ALMS1: variants seen among roughly 807,000 people sequenced by gnomAD.
ALMS1 encodes the protein centrosome-associated protein ALMS1.
A neutral mutation model predicts 352.2 loss-of-function variants in ALMS1; 271 were observed. That is an observed-to-expected ratio of 0.77 (90% CI 0.70 to 0.85). The LOEUF (loss-of-function observed/expected upper bound fraction) is 0.85, where lower values mean the gene tolerates loss of function less well. ALMS1 is among the 40% of genes least tolerant of loss of function. ALMS1 has a pLI of 0.00. For missense variants in ALMS1, 5,445 were observed against 4,870.7 expected, an observed-to-expected ratio of 1.12 and a Z score of -3.51; for synonymous variants, 1,865 against 1,761.2, an observed-to-expected ratio of 1.06 and a Z score of -1.48.
intron 2 of ALMS1, among the ~76,000 whole-genome samples, chr2:73,413,582 G>A (rs755938570): frequency 8.5e-5 from 13 of 152,148 alleles, no homozygotes; most frequent in Non-Finnish European, 1.6e-4. Context: ...CATCCGGAAT[G>A]CTTTCTGACA....
intron 11 of ALMS1, among the ~76,000 whole-genome samples, chr2:73,525,241 G>A (rs10469966): frequency 0.27 from 41,522 of 152,074 alleles, 6,111 homozygotes; most frequent in African/African-American, 0.38. Flanking sequence ...AACATGGGGT[G>A]CAGATTTATC....
intron 16 of ALMS1, among the ~76,000 whole-genome samples, chr2:73,584,861 T>C (rs544695082): frequency 3.3e-5 from 5 of 152,144 alleles, no homozygotes; most frequent in Non-Finnish European, 7.3e-5. Flanking sequence ...AGCTCCCCGT[T>C]ATAAATGAGA....
In ALMS1 at chr2:73,572,383, A is replaced by G. The variant is rs1305325242; in HGVS notation, c.10506A>G (p.Gly3502=). Residue 3502 remains glycine (G), a synonymous_variant, in exon 16 of 23, where the codon GGA becomes GGG. Coordinates refer to ENST00000613296, the MANE Select transcript of ALMS1 (RefSeq NM_001378454.1). Reference sequence around the variant, plus strand: ...AAGATATTTGCCATGAATCTTTGGGAAAGAGTGTTTTCATGAGACATTCTT... The same window carrying G: ...AAGATATTTGCCATGAATCTTTGGGGAAGAGTGTTTTCATGAGACATTCTT... The part of the protein sequence containing the change: ...SDQDICHESL[G]KSVFMRHSWK... The G allele has an allele frequency of 1.4e-5, 22 of 1,609,762 alleles. No homozygotes were observed. Among genetic ancestry groups the G allele is most frequent in the Non-Finnish European group, 1.9e-5 (22 of 1,178,516 alleles).
chr2:73,527,862 TG>T (rs1319324728), intron 11 of ALMS1, among the ~76,000 whole-genome samples: 1 of 152,228 alleles, frequency 6.6e-6, no homozygotes, highest in African/African-American at 2.4e-5. Flanking sequence ...AGTTTTTCTA[TG>T]TTTTTTTAAT....
chr2:73,484,044 C>G (rs1247971261), intron 9 of ALMS1, among the ~76,000 whole-genome samples: 1 of 151,758 alleles, frequency 6.6e-6, no homozygotes, highest in Non-Finnish European at 1.5e-5. Flanking sequence ...CAGTCTTTGC[C>G]TTTTAATTGG....
At chr2:73,504,598 G>A (rs530435117) in intron 10 of ALMS1, among the ~76,000 whole-genome samples, 5 of 152,302 alleles carry the variant, frequency 3.3e-5, no homozygotes, top group African/African-American at 1.2e-4. Context: ...TTCAACTTGT[G>A]TGTATCAGTA....
At chr2:73,511,613 G>A (rs1279019987) in intron 10 of ALMS1, among the ~76,000 whole-genome samples, 1 of 152,092 alleles carries the variant, frequency 6.6e-6, no homozygotes, top group East Asian at 1.9e-4. Context: ...GTTCTATTTG[G>A]CCATCTTGCC....
At chr2:73,486,039 G>T (rs907134370) in intron 9 of ALMS1, among the ~76,000 whole-genome samples, 3 of 151,928 alleles carry the variant, frequency 2.0e-5, no homozygotes, top group Non-Finnish European at 2.9e-5. Flanking sequence ...TCTTCTGCGT[G>T]GCTCACGCTG....
rs149717381 is a variant in ALMS1 at position 73,475,644 on chromosome 2, A to G, written c.7675-13990A>G. Among the ~76,000 whole-genome samples, 29 of 152,188 alleles carry G rather than the reference A, an allele frequency of 1.9e-4. No individual in the cohort carries two copies. The East Asian group carries it at 4.3e-3, about 22-fold the overall frequency. On this transcript the variant is annotated intron_variant, in intron 9 of 22. Coordinates refer to ENST00000613296, the MANE Select transcript of ALMS1 (RefSeq NM_001378454.1). ...CTTTAGCAGATTTATGGACTTACCA[A>G]TATTTTCTCCCATTCTGTAGACTTT...
intron 4 of ALMS1, among the ~76,000 whole-genome samples, chr2:73,423,241 GAC>G (rs892822166): frequency 3.9e-5 from 6 of 152,064 alleles, no homozygotes; most frequent in African/African-American, 1.4e-4. Context: ...TAATTTAGAA[GAC>G]ACACTGGATT....
At chr2:73,546,027 T>C (rs971856151) in intron 12 of ALMS1, among the ~76,000 whole-genome samples, 4 of 152,200 alleles carry the variant, frequency 2.6e-5, no homozygotes, top group Admixed American at 6.5e-5. Context: ...GGTGCAGTGC[T>C]ATGTTACAAG....
At chr2:73,535,030 G>A (rs1243197658) in intron 12 of ALMS1, 81 bp downstream of exon 12, 1 of 1,552,528 alleles carries the variant, frequency 6.4e-7, no homozygotes, top group Admixed American at 1.7e-5. Flanking sequence ...AGTGACAAAA[G>A]TCCAGTGCTC....
At chr2:73,551,737 C>T (rs972421104) in intron 13 of ALMS1, among the ~76,000 whole-genome samples, 1 of 151,842 alleles carries the variant, frequency 6.6e-6, no homozygotes, top group Admixed American at 6.6e-5. Context: ...TGTCTGGCCC[C>T]CACTGTTTTA....
rs1225939979 is a variant in ALMS1 at position 73,520,109 on chromosome 2, C to A, written c.9781+93C>A. ...TGGTTGTGTCTTTCTAGTCAGAAAA[C>A]CTAATTTTAATTTAAGAATTAGGGT... On this transcript the variant is annotated intron_variant, in intron 11 of 22. Coordinates refer to ENST00000613296, the MANE Select transcript of ALMS1 (RefSeq NM_001378454.1). 2.1e-5 allele frequency: 32 copies of A among 1,530,232 alleles called. No individual in the cohort carries two copies. In the South Asian group the frequency reaches 2.9e-4, roughly 14 times the overall value. The allele number at this position is 1,530,232 out of a possible 1,614,324, so 94.8% of individuals were successfully genotyped here. A position where few individuals can be genotyped will look rare whatever the true frequency, so the allele number is the denominator to read the frequency against.
At chr2:73,564,338 T>A (rs1422039150) in intron 15 of ALMS1, among the ~76,000 whole-genome samples, 1 of 151,608 alleles carries the variant, frequency 6.6e-6, no homozygotes, top group East Asian at 1.9e-4. Context: ...TGGCGGTGCA[T>A]GCCGATAATC....
At chr2:73,514,249 C>G (rs1418652754) in intron 10 of ALMS1, among the ~76,000 whole-genome samples, 3 of 151,734 alleles carry the variant, frequency 2.0e-5, no homozygotes, top group Admixed American at 1.3e-4. Context: ...GTTGATTTTG[C>G]TATCCTCTAT....
intron 15 of ALMS1, among the ~76,000 whole-genome samples, chr2:73,564,935 A>G (rs552107574): frequency 6.6e-6 from 1 of 152,350 alleles, no homozygotes; most frequent in East Asian, 1.9e-4. Context: ...TTGTACTGGT[A>G]TAATTTATTA....
rs571900559 is a variant in ALMS1, at chr2:73,503,561, G to A, written c.9539+12063G>A. On this transcript the variant is annotated intron_variant, in intron 10 of 22. Coordinates refer to ENST00000613296, the MANE Select transcript of ALMS1 (RefSeq NM_001378454.1). ...GTGAATAGTGCCGCAATAAACATAC[G>A]TGTGCATGTGTCTTTATAGTAGAAT... 9.2e-4 allele frequency among the ~76,000 whole-genome samples: 140 copies of A among 152,206 alleles called. 2 individuals are homozygous for A. Among genetic ancestry groups the A allele is most frequent in the African/African-American group, 3.0e-3 (126 of 41,534 alleles).
intron 16 of ALMS1, among the ~76,000 whole-genome samples, chr2:73,575,400 T>C (rs1179624008): frequency 1.3e-5 from 2 of 152,050 alleles, no homozygotes; most frequent in African/African-American, 4.8e-5. Context: ...CCCTCCTCCT[T>C]TTTTCCACAG....
Sources: allele counts gnomAD v4.1 joint callset (sites outside exome capture counted in the v4.1 genomes callset), GRCh38; gene constraint gnomAD v4.1.1; transcripts MANE v1.5; gene names NCBI Gene and HGNC (gene_info 2026-07-23, HGNC 2026-07-21).